Variants in SNCAIP observed in about 807,000 individuals in gnomAD.
The protein encoded by SNCAIP is synuclein alpha interacting protein, also known as synphilin-1.
Under a neutral mutation model 86.7 loss-of-function variants are expected in SNCAIP, and 43 were observed. The ratio of observed to expected loss-of-function variants is 0.50; its 90% CI spans 0.39 to 0.64. The LOEUF (loss-of-function observed/expected upper bound fraction) is 0.64, where lower values mean the gene tolerates loss of function less well. Among genes scored for constraint, SNCAIP ranks in the 30% least tolerant of loss-of-function variants. The pLI is 0.00. For missense variants in SNCAIP, 981 were observed against 1,103.1 expected, an observed-to-expected ratio of 0.89 and a Z score of 1.57; for synonymous variants, 417 against 427.2, an observed-to-expected ratio of 0.98 and a Z score of 0.29.
intron 6 of SNCAIP, among the ~76,000 whole-genome samples, chr5:122,435,566 C>G (rs929067782): frequency 1.3e-5 from 2 of 152,170 alleles, no homozygotes; most frequent in Non-Finnish European, 2.9e-5. Context: ...TCTACGAAAA[C>G]AACCTGCATC....
chr5:122,459,926 T>C (rs1359665473), intron 10 of SNCAIP, among the ~76,000 whole-genome samples: 1 of 152,152 alleles, frequency 6.6e-6, no homozygotes, highest in African/African-American at 2.4e-5. Context: ...TAGTATTCTC[T>C]ATTTCTAAGT....
chr5:122,426,009 T>C (rs1777306586), intron 5 of SNCAIP, among the ~76,000 whole-genome samples: 3 of 152,132 alleles, frequency 2.0e-5, no homozygotes, highest in African/African-American at 7.2e-5. Context: ...CAGTGCCGAG[T>C]TTGAGTTTAG....
intron 1 of SNCAIP, among the ~76,000 whole-genome samples, chr5:122,330,671 G>A (rs759567602): frequency 5.9e-5 from 9 of 152,116 alleles, no homozygotes; most frequent in Non-Finnish European, 1.0e-4. Flanking sequence ...TTAGTAGTAA[G>A]CCATCATTTA....
chr5:122,312,074 C>G (rs949842586), upstream of SNCAIP: 3 of 146,488 alleles, frequency 2.0e-5, no homozygotes, highest in African/African-American at 7.4e-5. Flanking sequence ...GGGCCGCGGC[C>G]GCCCAGGCTG....
At chr5:122,350,933 A>G (rs1057280771) in intron 1 of SNCAIP, among the ~76,000 whole-genome samples, 10 of 152,236 alleles carry the variant, frequency 6.6e-5, no homozygotes, top group Admixed American at 6.5e-4. Context: ...TAAGACATTC[A>G]GTGCATTCTT....
chr5:122,422,010 G>GAAAAAAA (rs377501212), intron 3 of SNCAIP, among the ~76,000 whole-genome samples: 1 of 42,216 alleles, frequency 2.4e-5, no homozygotes. Context: ...ACAGAAATTA[G>GAAAAAAA]AAAAAAAAAA....
At chr5:122,338,263 A>T (rs1247864820) in intron 1 of SNCAIP, among the ~76,000 whole-genome samples, 2 of 152,222 alleles carry the variant, frequency 1.3e-5, no homozygotes, top group Non-Finnish European at 2.9e-5. Context: ...AGTACTAAAA[A>T]CAGATGATAT....
At chr5:122,385,184 T>C (rs940051873) in intron 1 of SNCAIP, among the ~76,000 whole-genome samples, 12 of 152,224 alleles carry the variant, frequency 7.9e-5, no homozygotes, top group African/African-American at 2.7e-4. Context: ...TGTAATAGCA[T>C]GCCTTCTTGT....
intron 1 of SNCAIP, among the ~76,000 whole-genome samples, chr5:122,376,349 A>G (rs896565468): frequency 6.6e-6 from 1 of 152,032 alleles, no homozygotes; most frequent in Non-Finnish European, 1.5e-5. Flanking sequence ...TGCAAAATCA[A>G]AATAAAGCAT....
At chr5:122,450,490 C>G (rs1783495051) in intron 9 of SNCAIP, 43 bp from the exon 10 acceptor site, 1 of 1,401,876 alleles carries the variant, frequency 7.1e-7, no homozygotes, top group African/African-American at 1.4e-5. Flanking sequence ...GTCATTTCAA[C>G]CCAGTAGGAA....
intron 3 of SNCAIP, among the ~76,000 whole-genome samples, chr5:122,422,558 G>T (rs1776599061): frequency 6.6e-6 from 1 of 152,118 alleles, no homozygotes; most frequent in South Asian, 2.1e-4. Context: ...TAAAAATATT[G>T]CCAGGGAGGT....
chr5:122,323,095 G>A (rs1753310147), intron 1 of SNCAIP, among the ~76,000 whole-genome samples: 3 of 152,142 alleles, frequency 2.0e-5, no homozygotes, highest in Non-Finnish European at 4.4e-5. Flanking sequence ...TCTCCAAGCT[G>A]TGTTTTAACC....
chr5:122,428,895 A>G (rs1777873401), intron 5 of SNCAIP, among the ~76,000 whole-genome samples: 1 of 152,090 alleles, frequency 6.6e-6, no homozygotes, highest in African/African-American at 2.4e-5. Context: ...TTCCAGCTTC[A>G]TCCATGCCGC....
At chr5:122,443,801 C>A (rs899679007) in intron 7 of SNCAIP, 2 of 392,152 alleles carry the variant, frequency 5.1e-6, no homozygotes, top group Admixed American at 2.9e-5. Flanking sequence ...TCTGTGCCAA[C>A]CTTCAGATGC....
intron 3 of SNCAIP, among the ~76,000 whole-genome samples, chr5:122,414,045 A>T (rs575145288): frequency 6.6e-6 from 1 of 152,116 alleles, no homozygotes; most frequent in South Asian, 2.1e-4. Context: ...TAGTAGATGA[A>T]ACTACAGGAG....
rs184087204 is a variant in SNCAIP, at chr5:122,390,547, T to C, written c.-46-542T>C. ...TTAGATCCTCTTTCTTTCTTCCTTTTTGAGGGGTGAACTGGAGGTTGTGCT... is the reference window on the plus strand; with the variant it reads ...TTAGATCCTCTTTCTTTCTTCCTTTCTGAGGGGTGAACTGGAGGTTGTGCT... On this transcript the variant is annotated intron_variant, in intron 1 of 10. Transcript: ENST00000261368. Among the ~76,000 whole-genome samples the C allele has an allele frequency of 2.0e-3, 306 of 152,294 alleles. 1 individual carries two copies. Among genetic ancestry groups the C allele is most frequent in the African/African-American group, 7.1e-3 (295 of 41,550 alleles).
chr5:122,391,204 G>GTA lies in SNCAIP; in HGVS notation c.57+16_57+17dup. The GTA allele has an allele frequency of 1.9e-6, 3 of 1,571,972 alleles. No individual in the cohort carries two copies. Among genetic ancestry groups the GTA allele is most frequent in the Non-Finnish European group, 2.6e-6 (3 of 1,141,766 alleles). ...TGATGACATATCTGTAAGTACCACT[G>GTA]TATACAAGAAATGCTTTCAAGATAA... On this transcript the variant is annotated intron_variant, in intron 2 of 10. Coordinates refer to ENST00000261368, the MANE Select transcript of SNCAIP (RefSeq NM_005460.4).
Position 122,425,472 on chromosome 5 carries a change from G to A in SNCAIP, c.1123G>A (p.Glu375Lys), listed in dbSNP as rs1193212519. Residue 375 changes from glutamate (E) to lysine (K), a missense_variant, in exon 5 of 11, where the codon GAA (glutamate) becomes AAA (lysine). Coordinates refer to ENST00000261368, the MANE Select transcript of SNCAIP (RefSeq NM_005460.4). ...ACAGCACCTCACTTCTTTGATGGGAGAAGACTGCCTCAATGAGCGCAACAC... is the reference window on the plus strand; with the variant it reads ...ACAGCACCTCACTTCTTTGATGGGAAAAGACTGCCTCAATGAGCGCAACAC... ...CLQHLTSLMG[E>K]DCLNERNTEK... 1 of 1,614,118 alleles carries A rather than the reference G, an allele frequency of 6.2e-7. No individual in the cohort carries two copies. The highest frequency in any genetic ancestry group is 8.5e-7 in the Non-Finnish European group (1 of 1,179,982).
intron 1 of SNCAIP, among the ~76,000 whole-genome samples, chr5:122,326,474 T>C (rs1403609907): frequency 6.6e-6 from 1 of 152,158 alleles, no homozygotes; most frequent in East Asian, 1.9e-4. Context: ...CTACAACTTC[T>C]TTCCATTTGA....
Sources: gnomAD v4.1 joint callset for allele counts (sites outside exome capture counted in the v4.1 genomes callset) on GRCh38, gnomAD v4.1.1 for gene constraint, MANE v1.5 for transcripts, NCBI Gene and HGNC (gene_info 2026-07-23, HGNC 2026-07-21) for gene names.